The following DPYD variants were observed in gnomAD, a reference collection of about 807,000 sequenced individuals.
DPYD encodes dihydropyrimidine dehydrogenase [NADP(+)].
In DPYD, 109 loss-of-function variants were observed where a neutral mutation model predicts 116.2. That is an observed-to-expected ratio of 0.94 (90% CI 0.80 to 1.10). DPYD has a LOEUF of 1.10. Ranked by LOEUF, DPYD falls within the 50% of genes least tolerant of loss-of-function variation. The pLI, the probability that DPYD is intolerant of heterozygous loss-of-function variation, is 0.00. For synonymous variants in DPYD, 440 were observed against 432.0 expected (o/e 1.02, Z -0.23); for missense variants, 1,302 against 1,254.5 (o/e 1.04, Z -0.57).
At chr1:97,495,046 C>CA (rs1679186723) in intron 13 of DPYD, among the ~76,000 whole-genome samples, 2 of 152,090 alleles carry the variant, frequency 1.3e-5, no homozygotes, top group Admixed American at 1.3e-4. Context: ...GATTGAATAA[C>CA]AAAAACATCA....
chr1:97,250,055 A>G (rs1225355398), intron 18 of DPYD, among the ~76,000 whole-genome samples: 2 of 152,120 alleles, frequency 1.3e-5, no homozygotes, highest in Non-Finnish European at 2.9e-5. Flanking sequence ...GCGGATCACG[A>G]GGTCAGGAGT....
intron 2 of DPYD, among the ~76,000 whole-genome samples, chr1:97,868,348 C>T (rs1017041886): frequency 6.6e-6 from 1 of 151,644 alleles, no homozygotes. Flanking sequence ...AACATACTAT[C>T]TTGATAACAA....
At chr1:97,119,118 A>C (rs1472885939) in intron 20 of DPYD, among the ~76,000 whole-genome samples, 2 of 152,176 alleles carry the variant, frequency 1.3e-5, no homozygotes, top group Admixed American at 6.5e-5. Flanking sequence ...ACTTCCAGTG[A>C]CATAACAGAG....
chr1:97,868,858 C>T (rs960213646), intron 2 of DPYD, among the ~76,000 whole-genome samples: 1 of 151,754 alleles, frequency 6.6e-6, no homozygotes, highest in Non-Finnish European at 1.5e-5. Context: ...CCACTGTGCT[C>T]CTTAGGATTT....
At chr1:97,235,659 A>T (rs1661868630) in intron 18 of DPYD, among the ~76,000 whole-genome samples, 1 of 152,156 alleles carries the variant, frequency 6.6e-6, no homozygotes, top group South Asian at 2.1e-4. Flanking sequence ...AAGGAACAGC[A>T]GATTTTGAAA....
At chr1:97,511,233 T>C (rs1030479592) in intron 13 of DPYD, among the ~76,000 whole-genome samples, 1 of 152,008 alleles carries the variant, frequency 6.6e-6, no homozygotes, top group Admixed American at 6.6e-5. Context: ...AACAATACTA[T>C]CTATCTTATA....
At chr1:97,664,572 T>A (rs951253639) in intron 8 of DPYD, among the ~76,000 whole-genome samples, 1 of 152,130 alleles carries the variant, frequency 6.6e-6, no homozygotes. Context: ...ATACCTTGGG[T>A]ATAAAAACTA....
At chr1:97,436,283 T>A (rs1421670684) in intron 14 of DPYD, among the ~76,000 whole-genome samples, 4 of 152,010 alleles carry the variant, frequency 2.6e-5, no homozygotes, top group African/African-American at 4.8e-5. Context: ...ATTACTAAAT[T>A]GATATTATGT....
chr1:97,584,967 TA>T (rs1653988427), intron 10 of DPYD, among the ~76,000 whole-genome samples: 1 of 149,280 alleles, frequency 6.7e-6, no homozygotes, highest in Non-Finnish European at 1.5e-5. Context: ...ATAATAATAA[TA>T]AAGAAATAAA....
intron 14 of DPYD, among the ~76,000 whole-genome samples, chr1:97,416,884 T>G (rs1674318638): frequency 1.3e-5 from 2 of 152,146 alleles, no homozygotes; most frequent in Admixed American, 1.3e-4. Context: ...TTGTCAGCAT[T>G]TACCCTCAAA....
chr1:97,609,721 T>C (rs376785024), intron 8 of DPYD, among the ~76,000 whole-genome samples: 12 of 152,022 alleles, frequency 7.9e-5, no homozygotes, highest in East Asian at 5.8e-4. Flanking sequence ...ATTTAATCTT[T>C]ATTGTTAGAG....
At chr1:97,590,269 C>T (rs940759589) in intron 10 of DPYD, among the ~76,000 whole-genome samples, 1 of 152,130 alleles carries the variant, frequency 6.6e-6, no homozygotes, top group Non-Finnish European at 1.5e-5. Context: ...CTTATTATTC[C>T]ATCTCTCCAA....
chr1:97,581,326 CAAAAAAAA>C (rs1161399547), intron 10 of DPYD, among the ~76,000 whole-genome samples: 6 of 66,598 alleles, frequency 9.0e-5, no homozygotes, highest in African/African-American at 2.7e-4. Context: ...GACTCAGTCT[CAAAAAAAA>C]AAAAAAAAAA....
intron 4 of DPYD, among the ~76,000 whole-genome samples, chr1:97,733,554 T>C (rs759340342): frequency 1.1e-4 from 17 of 152,026 alleles, no homozygotes; most frequent in Non-Finnish European, 1.5e-4. Context: ...ATTTTAAGAA[T>C]TGCTTCTTAA....
intron 1 of DPYD, among the ~76,000 whole-genome samples, chr1:97,903,809 A>G (rs1398586181): frequency 6.6e-6 from 1 of 152,000 alleles, no homozygotes. Context: ...CAAGACTGCT[A>G]GGCAAATGGC....
intron 2 of DPYD, among the ~76,000 whole-genome samples, chr1:97,869,448 G>C (rs10875111): frequency 0.76 from 115,347 of 151,232 alleles, 44,152 homozygotes; most frequent in East Asian, 0.93. Context: ...GAATGTCACC[G>C]CAAAATATGT....
intron 10 of DPYD, among the ~76,000 whole-genome samples, chr1:97,587,290 G>A (rs1227410075): frequency 1.3e-5 from 2 of 152,130 alleles, no homozygotes; most frequent in Non-Finnish European, 2.9e-5. Flanking sequence ...GATTTTGTGT[G>A]AGTGTTCGTT....
In DPYD at chr1:97,450,126, A is replaced by G; in HGVS notation, c.1838T>C (p.Ile613Thr). ...GQSSFLNIEL[I>T]SEKTAAYWCQ... ...CCAATATGCAGCCGTTTTCTCACTG[A>G]TGAGCTCAATATTCAGAAAGGAGCT... is the stretch of plus-strand genomic sequence containing the variant. Residue 613 changes from isoleucine to threonine, a missense_variant, in exon 14 of 23, where the codon ATC (isoleucine) becomes ACC (threonine). By Grantham distance (89) the Ile-to-Thr change is moderately conservative (BLOSUM62 -1). Coordinates refer to ENST00000370192, the MANE Select transcript of DPYD (RefSeq NM_000110.4). 6.2e-7 allele frequency: 1 copy of G among 1,613,998 alleles called. No homozygotes were observed.
intron 12 of DPYD, among the ~76,000 whole-genome samples, chr1:97,541,840 T>C (rs1162492729): frequency 6.6e-6 from 1 of 152,196 alleles, no homozygotes; most frequent in Non-Finnish European, 1.5e-5. Context: ...TTAGGTACAC[T>C]GTCAAAATTA....
Sources: allele counts gnomAD v4.1 joint callset (sites outside exome capture counted in the v4.1 genomes callset), GRCh38; gene constraint gnomAD v4.1.1; transcripts MANE v1.5; gene names NCBI Gene and HGNC (gene_info 2026-07-23, HGNC 2026-07-21).